Variants in COL21A1 observed in about 807,000 individuals in gnomAD.
COL21A1 encodes collagen alpha-1(XXI) chain.
COL21A1 carries 149 observed loss-of-function variants against 137.9 expected under a neutral mutation model. The ratio of observed to expected loss-of-function variants is 1.08; its 90% CI spans 0.95 to 1.24. The LOEUF (loss-of-function observed/expected upper bound fraction) is 1.24. Ranked by LOEUF, COL21A1 falls within the 50% of genes most tolerant of loss-of-function variation. The probability of loss-of-function intolerance (pLI) is 0.00; values close to 1 mark genes in which losing one functional copy is unlikely to be tolerated. For synonymous variants in COL21A1, 456 were observed against 391.5 expected, an observed-to-expected ratio of 1.16 and a Z score of -1.95; for missense variants, 1,167 against 1,158.4, an observed-to-expected ratio of 1.01 and a Z score of -0.11.
chr6:56,313,013 A>G (rs1277255650), intron 1 of COL21A1, among the ~76,000 whole-genome samples: 1 of 152,180 alleles, frequency 6.6e-6, no homozygotes, highest in Non-Finnish European at 1.5e-5. Flanking sequence ...CGCATAGCAC[A>G]TATCTTTAAT....
intron 17 of COL21A1, among the ~76,000 whole-genome samples, chr6:56,099,227 T>TC (rs1258262233): frequency 1.9e-5 from 2 of 103,632 alleles, no homozygotes; most frequent in African/African-American, 3.7e-5. Context: ...AAACTAAATT[T>TC]TTTTTTTTTT....
At position 56,247,384 on chromosome 6, in the gene COL21A1, T is replaced by G. The variant is rs1782714822; in HGVS notation, c.-39+3A>C. The stretch of plus-strand genomic sequence containing the variant: ...GAGAGGGGAGTAGGAGGTGTCTCCT[T>G]ACCTGGCGCAGTGTCCAGGCTCGGG... On this transcript the variant is annotated splice_donor_region_variant and intron_variant, in intron 1 of 29. Coordinates refer to ENST00000244728, the MANE Select transcript of COL21A1 (RefSeq NM_030820.4). The G allele has an allele frequency of 6.6e-6, 1 of 151,896 alleles. No individual in the cohort carries two copies. Among genetic ancestry groups the G allele is most frequent in the Non-Finnish European group, 1.5e-5 (1 of 68,056 alleles). 9.4% of individuals were successfully genotyped at this position (151,896 alleles called of 1,614,324 possible).
rs189644275 is a variant in COL21A1, at chr6:56,126,393, C to A, written c.1543-244G>T. 3.0e-4 allele frequency: 120 copies of A among 395,314 alleles called. 1 individual carries two copies. The highest frequency in any genetic ancestry group is 2.7e-3 in the South Asian group (87 of 31,766). The allele number at this position is 395,314 out of a possible 1,614,324, so 24.5% of individuals were successfully genotyped here. ...TCTCACTAGCAATCCTGACTCCACCCTTAGTTAGCCACCACCTATTCTGAA... is the reference window on the plus strand; with the variant it reads ...TCTCACTAGCAATCCTGACTCCACCATTAGTTAGCCACCACCTATTCTGAA... On this transcript the variant is annotated intron_variant, in intron 12 of 29. Coordinates refer to ENST00000244728, the MANE Select transcript of COL21A1 (RefSeq NM_030820.4).
intron 2 of COL21A1, 99 bp downstream of exon 2, chr6:56,182,432 G>C (rs1777971230): frequency 2.7e-6 from 2 of 747,138 alleles, no homozygotes; most frequent in South Asian, 3.3e-5. Context: ...ATCAAAGACA[G>C]TAAGAATGAG....
At chr6:56,310,075 G>A (rs570015351) in intron 1 of COL21A1, among the ~76,000 whole-genome samples, 65 of 152,310 alleles carry the variant, frequency 4.3e-4, no homozygotes, top group African/African-American at 1.5e-3. Context: ...AAAGGGTAAA[G>A]TCAAGTATCA....
At chr6:56,297,238 C>G (rs568426247) in intron 1 of COL21A1, among the ~76,000 whole-genome samples, 2 of 152,164 alleles carry the variant, frequency 1.3e-5, no homozygotes, top group East Asian at 3.9e-4. Context: ...TGAATAAAAG[C>G]CTGGACAAGT....
chr6:56,072,226 T>C (rs1766819116), intron 20 of COL21A1, among the ~76,000 whole-genome samples: 1 of 151,688 alleles, frequency 6.6e-6, no homozygotes, highest in East Asian at 1.9e-4. Context: ...TTTGAGTTCA[T>C]TCCATGTCTT....
intron 1 of COL21A1, among the ~76,000 whole-genome samples, chr6:56,245,137 A>G (rs759476009): frequency 2.6e-5 from 4 of 152,228 alleles, no homozygotes; most frequent in African/African-American, 4.8e-5. Context: ...CCTAAGAAAC[A>G]CCAGATAGTA....
chr6:56,081,321 G>T (rs1178549901), intron 17 of COL21A1, among the ~76,000 whole-genome samples: 1 of 151,128 alleles, frequency 6.6e-6, no homozygotes, highest in Admixed American at 6.6e-5. Context: ...TTATATGTAG[G>T]ATGATGCTAG....
Position 56,274,692 on chromosome 6 carries a change from CTACAAAA to C in COL21A1, c.-38-92043_-38-92037del, listed in dbSNP as rs1763602112. Among the ~76,000 whole-genome samples the C allele has an allele frequency of 3.9e-5, 6 of 151,908 alleles. 1 individual carries two copies. The South Asian group carries it at 1.3e-3, about 32-fold the overall frequency. On this transcript the variant is annotated intron_variant, in intron 1 of 28. Coordinates refer to the COL21A1 transcript ENST00000370819. ...GGGTGACAGATCTCTACAAGGAGAA[CTACAAAA>C]TACTGCTGAAGGAAATCAGAGATGA...
At chr6:56,322,523 C>CA (rs1166881126) in intron 1 of COL21A1, among the ~76,000 whole-genome samples, 1 of 151,862 alleles carries the variant, frequency 6.6e-6, no homozygotes, top group East Asian at 1.9e-4. Context: ...TTCTCATTGG[C>CA]AAAAATGTGT....
intron 1 of COL21A1, among the ~76,000 whole-genome samples, chr6:56,309,765 T>C (rs1319613762): frequency 1.3e-5 from 2 of 152,216 alleles, no homozygotes; most frequent in East Asian, 3.8e-4. Flanking sequence ...CTTTAGAACA[T>C]ATAAGCCTAT....
intron 20 of COL21A1, 89 bp downstream of exon 20, chr6:56,074,143 T>C (rs1767001946): frequency 1.2e-6 from 1 of 839,034 alleles, no homozygotes. Context: ...TAAAATACAA[T>C]CAAGGTAGTA....
chr6:56,305,990 A>G (rs1764440786), intron 1 of COL21A1, among the ~76,000 whole-genome samples: 1 of 134,892 alleles, frequency 7.4e-6, no homozygotes, highest in East Asian at 2.2e-4. Flanking sequence ...TCCTTCACTT[A>G]TGAAGCTTAG....
At chr6:56,070,867 C>A in intron 20 of COL21A1, 69 bp from the exon 21 acceptor site, 2 of 1,133,746 alleles carry the variant, frequency 1.8e-6, no homozygotes, top group South Asian at 1.5e-5. Context: ...GATATAGACA[C>A]TTAAGGGAAT....
At chr6:56,266,374 A>T (rs1763390550) in intron 1 of COL21A1, among the ~76,000 whole-genome samples, 1 of 152,216 alleles carries the variant, frequency 6.6e-6, no homozygotes. Context: ...ATTGGAACAC[A>T]GCCATGATCT....
intron 16 of COL21A1, among the ~76,000 whole-genome samples, chr6:56,110,919 G>A (rs1189858668): frequency 6.6e-6 from 1 of 152,076 alleles, no homozygotes; most frequent in Non-Finnish European, 1.5e-5. Context: ...GAGACATGAA[G>A]ATGCTCTTCC....
intron 1 of COL21A1, among the ~76,000 whole-genome samples, chr6:56,375,377 G>A (rs1443467204): frequency 6.6e-6 from 1 of 152,134 alleles, no homozygotes; most frequent in Non-Finnish European, 1.5e-5. Flanking sequence ...ATTGAGTTCA[G>A]CCAGTGGTAG....
At chr6:56,144,646 G>A (rs1032925561) in intron 10 of COL21A1, among the ~76,000 whole-genome samples, 2 of 152,202 alleles carry the variant, frequency 1.3e-5, no homozygotes, top group African/African-American at 4.8e-5. Flanking sequence ...AGAAGTTGAT[G>A]TGGTATTTGT....
Sources: allele counts gnomAD v4.1 joint callset (sites outside exome capture counted in the v4.1 genomes callset), GRCh38; gene constraint gnomAD v4.1.1; transcripts MANE v1.5; gene names NCBI Gene and HGNC (gene_info 2026-07-23, HGNC 2026-07-21).